The following DCC variants were observed in gnomAD, a reference collection of about 807,000 sequenced individuals.
The protein encoded by DCC is DCC netrin 1 receptor.
Under a neutral mutation model 172.5 loss-of-function variants are expected in DCC, and 58 were observed. That is an observed-to-expected ratio of 0.34 (90% CI 0.27 to 0.42). The LOEUF (loss-of-function observed/expected upper bound fraction) is 0.42. Among genes scored for constraint, DCC ranks in the 10% least tolerant of loss-of-function variants. The pLI, the probability that DCC is intolerant of heterozygous loss-of-function variation, is 1.00. For synonymous variants in DCC, 709 were observed against 644.5 expected (o/e 1.10, Z -1.52); for missense variants, 1,740 against 1,791.0 (o/e 0.97, Z 0.51).
In DCC at chr18:53,530,754, C is replaced by T; in HGVS notation, c.*101C>T. Reference sequence around the variant, plus strand: ...GTGTCCAAGAACTCTAACCAGTGTACAGGTCACCCATCAGGACCACTCAGT... The same window carrying T: ...GTGTCCAAGAACTCTAACCAGTGTATAGGTCACCCATCAGGACCACTCAGT... On this transcript the variant is annotated 3_prime_UTR_variant, in exon 29 of 29. Coordinates refer to ENST00000442544, the MANE Select transcript of DCC (RefSeq NM_005215.4). The T allele has an allele frequency of 1.3e-6, 1 of 771,628 alleles. No individual in the cohort carries two copies. The highest frequency in any genetic ancestry group is 2.4e-6 in the Non-Finnish European group (1 of 418,942). The allele number at this position is 771,628 out of a possible 1,614,324, so 47.8% of individuals were successfully genotyped here. A position where few individuals can be genotyped will look rare whatever the true frequency, so the allele number is the denominator to read the frequency against.
chr18:52,431,130 G>T (rs568410775), intron 1 of DCC, among the ~76,000 whole-genome samples: 303 of 152,166 alleles, frequency 2.0e-3, no homozygotes, highest in African/African-American at 7.1e-3. Context: ...CAGAGAACTT[G>T]TTAGAAATGT....
chr18:53,243,797 TC>T (rs2056334409), intron 12 of DCC, among the ~76,000 whole-genome samples: 1 of 152,158 alleles, frequency 6.6e-6, no homozygotes, highest in African/African-American at 2.4e-5. Flanking sequence ...CAGATCTGAC[TC>T]CCCGATTCAG....
At chr18:52,635,063 G>T (rs2034748026) in intron 1 of DCC, among the ~76,000 whole-genome samples, 1 of 152,084 alleles carries the variant, frequency 6.6e-6, no homozygotes, top group South Asian at 2.1e-4. Context: ...ATTTCCAGTG[G>T]TTTCTAGAAC....
chr18:53,287,614 C>T (rs549906061), intron 12 of DCC, among the ~76,000 whole-genome samples: 21 of 152,132 alleles, frequency 1.4e-4, no homozygotes, highest in Non-Finnish European at 1.9e-4. Flanking sequence ...GCCACTTTTA[C>T]GTTCCCACCA....
intron 12 of DCC, among the ~76,000 whole-genome samples, chr18:53,259,073 C>T (rs1331018471): frequency 6.6e-6 from 1 of 152,116 alleles, no homozygotes; most frequent in African/African-American, 2.4e-5. Context: ...GTAGATCTTC[C>T]TCCATCCCTT....
intron 14 of DCC, among the ~76,000 whole-genome samples, chr18:53,328,180 C>G (rs2057489997): frequency 6.6e-6 from 1 of 152,162 alleles, no homozygotes; most frequent in Non-Finnish European, 1.5e-5. Context: ...AGTGAAGTTG[C>G]AAGTATTTTA....
intron 2 of DCC, among the ~76,000 whole-genome samples, chr18:52,879,623 G>T (rs950293446): frequency 6.6e-6 from 1 of 151,568 alleles, no homozygotes; most frequent in African/African-American, 2.4e-5. Flanking sequence ...GTAGAGACGG[G>T]ATTTCACCAT....
chr18:52,546,485 G>C (rs1372532632), intron 1 of DCC, among the ~76,000 whole-genome samples: 1 of 152,080 alleles, frequency 6.6e-6, no homozygotes, highest in Admixed American at 6.6e-5. Context: ...ACTTACCTCT[G>C]ACAGTTCTTG....
chr18:53,305,669 G>A lies in DCC; in HGVS notation c.2003G>A (p.Arg668Lys), dbSNP rs2057191732. The A allele has an allele frequency of 6.2e-7, 1 of 1,614,038 alleles. No homozygotes were observed. Among genetic ancestry groups the A allele is most frequent in the South Asian group, 1.1e-5 (1 of 91,080 alleles). The change falls in exon 13 of 29, where the codon AGG becomes AAG. Residue 668 changes from arginine to lysine, a missense_variant. Arg to Lys is a conservative substitution (Grantham distance 26, BLOSUM62 2). Transcript: ENST00000442544. ...YKIRHRKTTRRGEMETLEPNN... is the reference protein window; with the variant it reads ...YKIRHRKTTRKGEMETLEPNN... ...ATTCGACACAGAAAGACGACCCGCA[G>A]GGGTGAGATGGAAACACTGGAGCCA...
intron 1 of DCC, among the ~76,000 whole-genome samples, chr18:52,451,581 T>C (rs929426121): frequency 6.6e-6 from 1 of 152,232 alleles, no homozygotes; most frequent in Admixed American, 6.5e-5. Context: ...GGACATAGTT[T>C]ATAATCCACT....
At chr18:52,824,771 G>C (rs1197439304) in intron 2 of DCC, among the ~76,000 whole-genome samples, 1 of 152,054 alleles carries the variant, frequency 6.6e-6, no homozygotes, top group Admixed American at 6.5e-5. Context: ...AGGAGTCCAA[G>C]ACCAACCTGG....
At chr18:53,108,535 G>T (rs11082967) in intron 7 of DCC, among the ~76,000 whole-genome samples, 1 of 151,488 alleles carries the variant, frequency 6.6e-6, no homozygotes, top group African/African-American at 2.4e-5. Context: ...CAAATTTTGC[G>T]TATGTACATA....
intron 1 of DCC, among the ~76,000 whole-genome samples, chr18:52,390,554 T>C (rs75462925): frequency 6.6e-6 from 1 of 152,254 alleles, no homozygotes; most frequent in East Asian, 1.9e-4. Context: ...TATAGTCATT[T>C]GTGTTTGCTG....
chr18:52,813,079 GAAAAT>G (rs1254162663), intron 2 of DCC, among the ~76,000 whole-genome samples: 1 of 152,128 alleles, frequency 6.6e-6, no homozygotes, highest in Non-Finnish European at 1.5e-5. Context: ...ATGTTTTAAA[GAAAAT>G]AAAATGATGT....
intron 1 of DCC, among the ~76,000 whole-genome samples, chr18:52,497,304 TATATATATATAC>T (rs1398445317): frequency 2.0e-5 from 2 of 98,714 alleles, no homozygotes; most frequent in Admixed American, 1.1e-4. Context: ...TATATATATA[TATATATATATAC>T]ACACACACAT....
At chr18:53,066,826 A>AT (rs2042577640) in intron 7 of DCC, among the ~76,000 whole-genome samples, 1 of 152,130 alleles carries the variant, frequency 6.6e-6, no homozygotes, top group African/African-American at 2.4e-5. Flanking sequence ...TATAGGAAGC[A>AT]TGATGCTGGC....
intron 1 of DCC, among the ~76,000 whole-genome samples, chr18:52,420,679 A>G (rs188993358): frequency 5.3e-5 from 8 of 152,138 alleles, no homozygotes; most frequent in African/African-American, 1.4e-4. Context: ...AGAAATAAAG[A>G]TAAATTTGAG....
At chr18:52,857,533 T>C (rs1258856008) in intron 2 of DCC, among the ~76,000 whole-genome samples, 1 of 152,188 alleles carries the variant, frequency 6.6e-6, no homozygotes, top group Admixed American at 6.5e-5. Flanking sequence ...AAACTGAATG[T>C]CATTTGAATT....
At chr18:53,363,781 A>G (rs1436573199) in intron 15 of DCC, among the ~76,000 whole-genome samples, 2 of 152,138 alleles carry the variant, frequency 1.3e-5, no homozygotes, top group Admixed American at 6.6e-5. Context: ...TTGTACCACA[A>G]CTTTTAAGTA....
Sources: allele counts gnomAD v4.1 joint callset (sites outside exome capture counted in the v4.1 genomes callset), GRCh38; gene constraint gnomAD v4.1.1; transcripts MANE v1.5; gene names NCBI Gene and HGNC (gene_info 2026-07-23, HGNC 2026-07-21).